FANCC: variants seen among roughly 807,000 people sequenced by gnomAD.
FANCC encodes the protein Fanconi anemia group C protein.
In FANCC, 55 loss-of-function variants were observed where a neutral mutation model predicts 71.3. The observed-to-expected ratio is 0.77, with a 90% CI of 0.62 to 0.97. The LOEUF is 0.97. Among genes scored for constraint, FANCC ranks in the 50% least tolerant of loss-of-function variants. The pLI is 0.00. For synonymous variants in FANCC, 275 were observed against 244.9 expected, an observed-to-expected ratio of 1.12 and a Z score of -1.15; for missense variants, 678 against 670.9, an observed-to-expected ratio of 1.01 and a Z score of -0.12.
At chr9:95,251,570 C>A (rs1006907038) in intron 1 of FANCC, among the ~76,000 whole-genome samples, 3 of 152,168 alleles carry the variant, frequency 2.0e-5, no homozygotes, top group Admixed American at 2.0e-4. Flanking sequence ...CCCTCCTCTG[C>A]CTCCCAAAGT....
intron 1 of FANCC, among the ~76,000 whole-genome samples, chr9:95,284,877 T>TACAC (rs71366285): frequency 0.073 from 10,733 of 147,584 alleles, 518 homozygotes; most frequent in Admixed American, 0.16. Context: ...CACACACACA[T>TACAC]ACACACACAC....
chr9:95,282,311 G>A (rs566090656), intron 1 of FANCC, among the ~76,000 whole-genome samples: 1 of 152,136 alleles, frequency 6.6e-6, no homozygotes, highest in African/African-American at 2.4e-5. Flanking sequence ...GACAAAGAAG[G>A]TCATTATATT....
intron 8 of FANCC, among the ~76,000 whole-genome samples, chr9:95,130,299 T>A (rs199864445): frequency 0.016 from 2,354 of 149,222 alleles, 103 homozygotes; most frequent in Admixed American, 0.095. Context: ...TGTGTGTGTG[T>A]GAGAGAGAGA....
At chr9:95,228,806 A>C (rs1829799982) in intron 4 of FANCC, among the ~76,000 whole-genome samples, 1 of 151,710 alleles carries the variant, frequency 6.6e-6, no homozygotes, top group South Asian at 2.1e-4. Context: ...AAACCCCCAA[A>C]CCCCAGGAAG....
intron 7 of FANCC, among the ~76,000 whole-genome samples, chr9:95,141,989 T>TTTG (rs1383315228): frequency 7.3e-6 from 1 of 136,426 alleles, no homozygotes; most frequent in African/African-American, 2.8e-5. Flanking sequence ...TGTGGGGTTT[T>TTTG]TTTTTTTTTT....
rs150174412 is a variant in FANCC at position 95,247,473 on chromosome 9, A to C, written c.209T>G (p.Leu70Arg). 3 of 1,613,870 alleles carry C rather than the reference A, an allele frequency of 1.9e-6. No individual in the cohort carries two copies. Among genetic ancestry groups the C allele is most frequent in the Non-Finnish European group, 2.5e-6 (3 of 1,179,844 alleles). The stretch of plus-strand genomic sequence containing the variant: ...AGGATTCCAACAAGCTTTTGCCAAC[A>C]GTTGACCAATTGTGGGGAATCTTTC... ...VIERFPTIGQ[L>R]LAKACWNPFI... Residue 70 changes from leucine to arginine, a missense_variant, in exon 3 of 15, where the codon CTG becomes CGG. By Grantham distance (102) the Leu-to-Arg change is moderately radical. Transcript: ENST00000289081.
intron 10 of FANCC, 111 bp from the exon 11 acceptor site, chr9:95,117,501 G>A (rs2072520928): frequency 2.6e-6 from 2 of 771,098 alleles, no homozygotes; most frequent in Non-Finnish European, 4.5e-6. Context: ...GTACTAACAT[G>A]GTCAGAACAC....
intron 13 of FANCC, chr9:95,110,322 C>T: frequency 2.0e-6 from 2 of 1,016,458 alleles, no homozygotes; most frequent in Non-Finnish European, 2.4e-6. Context: ...TATCTACCAA[C>T]TTAGCTTATT....
rs577350228 is a variant in FANCC, at chr9:95,231,649, GA to G, written c.345+8999del. Among the ~76,000 whole-genome samples the G allele has an allele frequency of 3.1e-3, 472 of 152,300 alleles. 1 individual carries two copies. Among genetic ancestry groups the G allele is most frequent in the African/African-American group, 0.011 (459 of 41,554 alleles). Reference sequence around the variant, plus strand: ...GAACCCCGTCCTTAGCTGAACTAGGGAAAAGTCCTGCAACAATCCTATATTT... The same window carrying G: ...GAACCCCGTCCTTAGCTGAACTAGGGAAAGTCCTGCAACAATCCTATATTT... On this transcript the variant is annotated intron_variant, in intron 4 of 14. Coordinates refer to ENST00000289081, the MANE Select transcript of FANCC (RefSeq NM_000136.3).
At chr9:95,222,034 C>T (rs1829305885) in intron 4 of FANCC, among the ~76,000 whole-genome samples, 1 of 151,724 alleles carries the variant, frequency 6.6e-6, no homozygotes, top group Non-Finnish European at 1.5e-5. Flanking sequence ...AAAACTTTTA[C>T]AAAAAATGTT....
At chr9:95,232,610 G>T (rs1479243209) in intron 4 of FANCC, among the ~76,000 whole-genome samples, 2 of 152,024 alleles carry the variant, frequency 1.3e-5, no homozygotes, top group Non-Finnish European at 2.9e-5. Context: ...AACCTTCAAA[G>T]AAATGTTTTT....
intron 1 of FANCC, 122 bp from the exon 2 acceptor site, chr9:95,249,491 G>C (rs1831198667): frequency 8.5e-6 from 5 of 589,752 alleles, no homozygotes; most frequent in Non-Finnish European, 1.5e-5. Flanking sequence ...CTATGCTGGA[G>C]CCATCTTTGA....
chr9:95,155,287 A>AAAGGGG (rs1564702939), intron 6 of FANCC, among the ~76,000 whole-genome samples: 1 of 24,042 alleles, frequency 4.2e-5, no homozygotes, highest in Non-Finnish European at 7.5e-5. Context: ...GAGGGGAAGG[A>AAAGGGG]AGGGGACGGA....
chr9:95,245,455 T>C (rs2032211009), intron 3 of FANCC, among the ~76,000 whole-genome samples: 1 of 151,990 alleles, frequency 6.6e-6, no homozygotes, highest in African/African-American at 2.4e-5. Flanking sequence ...CCTATACACA[T>C]ACCTATGATA....
chr9:95,136,029 C>T (rs1827635034), intron 7 of FANCC, among the ~76,000 whole-genome samples: 1 of 152,166 alleles, frequency 6.6e-6, no homozygotes, highest in African/African-American at 2.4e-5. Flanking sequence ...CAGTGATTAG[C>T]ACAGTGCTTG....
intron 10 of FANCC, among the ~76,000 whole-genome samples, chr9:95,120,534 C>A (rs1023512896): frequency 2.0e-5 from 3 of 152,072 alleles, no homozygotes; most frequent in Admixed American, 6.6e-5. Flanking sequence ...CCCACTTCAC[C>A]CCCCGAGTAG....
At chr9:95,149,206 T>C (rs910567682) in intron 7 of FANCC, among the ~76,000 whole-genome samples, 2 of 152,032 alleles carry the variant, frequency 1.3e-5, no homozygotes, top group Non-Finnish European at 2.9e-5. Flanking sequence ...ATATGATAAA[T>C]ATTAATAAGG....
chr9:95,146,717 A>G (rs1485342315), intron 7 of FANCC, among the ~76,000 whole-genome samples: 8 of 151,952 alleles, frequency 5.3e-5, no homozygotes, highest in African/African-American at 1.9e-4. Context: ...AGTGTTTTCA[A>G]ACACTGCAGA....
intron 1 of FANCC, among the ~76,000 whole-genome samples, chr9:95,250,938 G>A (rs1243477339): frequency 1.3e-5 from 2 of 152,174 alleles, no homozygotes; most frequent in African/African-American, 4.8e-5. Context: ...TAAACTCCCC[G>A]TAGATACTCC....
Sources: gnomAD v4.1 joint callset for allele counts (sites outside exome capture counted in the v4.1 genomes callset) on GRCh38, gnomAD v4.1.1 for gene constraint, MANE v1.5 for transcripts, NCBI Gene and HGNC (gene_info 2026-07-23, HGNC 2026-07-21) for gene names.